Variants in DIP2B observed in about 807,000 individuals in gnomAD.
DIP2B encodes the protein DIP2 acetate--CoA ligase B (putative).
A neutral mutation model predicts 198.0 loss-of-function variants in DIP2B; 76 were observed. The observed-to-expected ratio is 0.38, with a 90% confidence interval of 0.32 to 0.46. The LOEUF (loss-of-function observed/expected upper bound fraction) is 0.46. Ranked by LOEUF, DIP2B falls within the 20% of genes least tolerant of loss-of-function variation. The probability of loss-of-function intolerance (pLI) is 0.99; values close to 1 mark genes in which losing one functional copy is unlikely to be tolerated. For synonymous variants in DIP2B, 701 were observed against 739.1 expected (o/e 0.95, Z 0.84); for missense variants, 1,559 against 1,978.4 (o/e 0.79, Z 4.02).
chr12:50,585,364 A>T (rs1299546416), intron 1 of DIP2B, among the ~76,000 whole-genome samples: 1 of 152,202 alleles, frequency 6.6e-6, no homozygotes, highest in Non-Finnish European at 1.5e-5. Flanking sequence ...GCTGACTGTG[A>T]CCTGTGCCTT....
At chr12:50,540,053 G>GTTTTTTTTTTTTTTTTTTTTTTTTTTTT (rs60978324) in intron 1 of DIP2B, among the ~76,000 whole-genome samples, 1 of 44,142 alleles carries the variant, frequency 2.3e-5, no homozygotes, top group Non-Finnish European at 3.9e-5. Flanking sequence ...TTGTTTCTGT[G>GTTTTTTTTTTTTTTTTTTTTTTTTTTTT]TTTTTTTTTT....
chr12:50,633,583 A>C (rs1938103135), intron 2 of DIP2B, among the ~76,000 whole-genome samples: 1 of 152,142 alleles, frequency 6.6e-6, no homozygotes, highest in Non-Finnish European at 1.5e-5. Flanking sequence ...TGGGCAACAT[A>C]GTGAGACCTC....
intron 3 of DIP2B, among the ~76,000 whole-genome samples, chr12:50,648,619 T>A (rs1388588275): frequency 2.0e-5 from 3 of 149,932 alleles, no homozygotes; most frequent in African/African-American, 7.4e-5. Flanking sequence ...CGTCTCGGCC[T>A]CCCAAAGTGC....
At chr12:50,672,118 T>C (rs1322901502) in intron 5 of DIP2B, among the ~76,000 whole-genome samples, 1 of 152,062 alleles carries the variant, frequency 6.6e-6, no homozygotes, top group Non-Finnish European at 1.5e-5. Flanking sequence ...TATCTTTCCC[T>C]TTTTTTTCTT....
intron 1 of DIP2B, among the ~76,000 whole-genome samples, chr12:50,509,333 G>A (rs1205566804): frequency 2.6e-5 from 4 of 152,224 alleles, no homozygotes; most frequent in African/African-American, 9.6e-5. Context: ...AGCCTGTGCA[G>A]TTCAGCCATA....
chr12:50,701,430 G>A (rs1054524019), intron 19 of DIP2B, among the ~76,000 whole-genome samples: 22 of 152,134 alleles, frequency 1.4e-4, no homozygotes, highest in African/African-American at 4.8e-4. Context: ...TCGCCCAGGC[G>A]GAGTGCAGTG....
At chr12:50,549,697 TAAAAAAA>T (rs56326368) in intron 1 of DIP2B, among the ~76,000 whole-genome samples, 3 of 64,770 alleles carry the variant, frequency 4.6e-5, no homozygotes, top group South Asian at 8.5e-4. Flanking sequence ...GACTCCATCT[TAAAAAAA>T]AAAAAAAAAA....
At chr12:50,536,294 T>TACATACATA (rs1958266407) in intron 1 of DIP2B, among the ~76,000 whole-genome samples, 7 of 151,834 alleles carry the variant, frequency 4.6e-5, no homozygotes, top group Admixed American at 4.6e-4. Context: ...CATACATACA[T>TACATACATA]ACATACATAC....
intron 11 of DIP2B, among the ~76,000 whole-genome samples, 194 bp downstream of exon 11, chr12:50,686,150 C>T (rs1939126859): frequency 6.6e-6 from 1 of 152,102 alleles, no homozygotes; most frequent in Admixed American, 6.6e-5. Flanking sequence ...AGTAACTTGC[C>T]CAAAGTCACA....
At chr12:50,586,904 A>G (rs1958776363) in intron 1 of DIP2B, among the ~76,000 whole-genome samples, 1 of 152,014 alleles carries the variant, frequency 6.6e-6, no homozygotes, top group Admixed American at 6.6e-5. Context: ...GCTATTATAA[A>G]CGTTTTGATC....
intron 1 of DIP2B, among the ~76,000 whole-genome samples, chr12:50,510,647 C>A (rs1057309988): frequency 1.0e-4 from 14 of 136,276 alleles, no homozygotes; most frequent in African/African-American, 3.6e-4. Context: ...TAAAGTACCA[C>A]CTTTTTTTTT....
intron 1 of DIP2B, among the ~76,000 whole-genome samples, chr12:50,611,586 A>G (rs548380982): frequency 1.3e-5 from 2 of 152,232 alleles, no homozygotes; most frequent in East Asian, 1.9e-4. Context: ...TGACTGTGTG[A>G]TCCAGAGCAG....
intron 1 of DIP2B, among the ~76,000 whole-genome samples, chr12:50,581,094 T>C (rs982042410): frequency 6.7e-6 from 1 of 149,448 alleles, no homozygotes; most frequent in Non-Finnish European, 1.5e-5. Flanking sequence ...GGTCGCTCAC[T>C]CTTTGGAATT....
chr12:50,555,727 C>T (rs537025245), intron 1 of DIP2B, among the ~76,000 whole-genome samples: 1 of 152,096 alleles, frequency 6.6e-6, no homozygotes, highest in Non-Finnish European at 1.5e-5. Flanking sequence ...CCTCTCACCT[C>T]TTGTTTCCTT....
At position 50,625,969 on chromosome 12, in the gene DIP2B, A is replaced by G. The variant is rs112493699; in HGVS notation, c.101-7A>G. 58 of 1,613,756 alleles carry G rather than the reference A, an allele frequency of 3.6e-5. 1 individual carries two copies. In the African/African-American group the frequency reaches 6.3e-4, roughly 17 times the overall value. On this transcript the variant is annotated splice_polypyrimidine_tract_variant and splice_region_variant and intron_variant, in intron 1 of 37. Coordinates refer to ENST00000301180, the MANE Select transcript of DIP2B (RefSeq NM_173602.3). ...GCATAACCTATTTCTGTTTCTTGCT[A>G]TTTTAGGGGACATCACCCAGAAGGG...
At position 50,512,142 on chromosome 12, in the gene DIP2B, T is replaced by C. The variant is rs57878047; in HGVS notation, c.100+6902T>C. 6.1e-3 allele frequency among the ~76,000 whole-genome samples: 886 copies of C among 145,314 alleles called. 6 individuals carry two copies. The highest frequency in any genetic ancestry group is 0.021 in the African/African-American group (835 of 39,510). On this transcript the variant is annotated intron_variant, in intron 1 of 37. Transcript: ENST00000301180. The stretch of plus-strand genomic sequence containing the variant: ...TTTTTTTTGAGATAGAGTCTTGCTC[T>C]GTCCCCCAGGCTGGAGTACAGTGGC...
chr12:50,686,509 G>A (rs1267317395), intron 11 of DIP2B, 64 bp from the exon 12 acceptor site: 1 of 1,409,744 alleles, frequency 7.1e-7, no homozygotes, highest in Non-Finnish European at 1.0e-6. Context: ...AAAATGACCA[G>A]TTCAGTGTGA....
intron 1 of DIP2B, among the ~76,000 whole-genome samples, chr12:50,541,101 A>C (rs773848652): frequency 1.3e-5 from 2 of 152,206 alleles, no homozygotes; most frequent in Middle Eastern, 3.2e-3. Flanking sequence ...GCTAAGGGTC[A>C]CATGAGAGAT....
In DIP2B at chr12:50,675,635, G is replaced by A. The variant is rs577838332; in HGVS notation, c.916+187G>A. Among the ~76,000 whole-genome samples the A allele has an allele frequency of 5.9e-5, 9 of 152,186 alleles. No homozygotes were observed. In the East Asian group the frequency reaches 1.5e-3, roughly 26 times the overall value. On this transcript the variant is annotated intron_variant, in intron 7 of 37. Coordinates refer to ENST00000301180, the MANE Select transcript of DIP2B (RefSeq NM_173602.3). ...TTAGATCTTAGATGAAAATTAAGGAGGGAAGGAAGAAGAGGGAAGAAAGGC... is the reference window on the plus strand; with the variant it reads ...TTAGATCTTAGATGAAAATTAAGGAAGGAAGGAAGAAGAGGGAAGAAAGGC...
Sources: gnomAD v4.1 joint callset for allele counts (sites outside exome capture counted in the v4.1 genomes callset) on GRCh38, gnomAD v4.1.1 for gene constraint, MANE v1.5 for transcripts, NCBI Gene and HGNC (gene_info 2026-07-23, HGNC 2026-07-21) for gene names.